DOCK2: variants seen among roughly 807,000 people sequenced by gnomAD.
The protein encoded by DOCK2 is dedicator of cytokinesis protein 2.
In DOCK2, 87 loss-of-function variants were observed where a neutral mutation model predicts 248.9. The ratio of observed to expected loss-of-function variants is 0.35; its 90% CI spans 0.29 to 0.42. The LOEUF (loss-of-function observed/expected upper bound fraction) is 0.42. Among genes scored for constraint, DOCK2 ranks in the 10% least tolerant of loss-of-function variants. DOCK2 has a pLI of 1.00. For missense variants in DOCK2, 1,747 were observed against 2,300.2 expected, an observed-to-expected ratio of 0.76 and a Z score of 4.92; for synonymous variants, 805 against 821.6, an observed-to-expected ratio of 0.98 and a Z score of 0.35.
chr5:169,969,290 C>CA (rs1777412483), intron 27 of DOCK2, among the ~76,000 whole-genome samples: 1 of 151,784 alleles, frequency 6.6e-6, no homozygotes, highest in African/African-American at 2.4e-5. Flanking sequence ...ACTAAAAATA[C>CA]AAAAATTAGC....
At chr5:169,993,123 G>A (rs1778252481) in intron 29 of DOCK2, among the ~76,000 whole-genome samples, 2 of 152,220 alleles carry the variant, frequency 1.3e-5, no homozygotes, top group Non-Finnish European at 2.9e-5. Context: ...AATGTGACAG[G>A]CACTCAATGC....
chr5:170,006,318 T>C (rs2113807604), intron 30 of DOCK2, among the ~76,000 whole-genome samples: 1 of 152,292 alleles, frequency 6.6e-6, no homozygotes, highest in African/African-American at 2.4e-5. Context: ...TGATGTGTTT[T>C]TGTTTTTGTT....
chr5:169,960,929 A>G (rs1210450382), intron 27 of DOCK2, among the ~76,000 whole-genome samples: 1 of 152,246 alleles, frequency 6.6e-6, no homozygotes, highest in Non-Finnish European at 1.5e-5. Context: ...TATAGGGTTC[A>G]GTATAGGCTA....
chr5:169,671,163 C>T lies in DOCK2; in HGVS notation c.310C>T (p.Gln104Ter). 1 of 1,614,036 alleles carries T rather than the reference C, an allele frequency of 6.2e-7. No homozygotes were observed. The highest frequency in any genetic ancestry group is 8.5e-7 in the Non-Finnish European group (1 of 1,179,922). ...TTGGGAATGGGGAAGCATCTGGAAA[C>T]AACTCTATGTGGTGAGACTCAGAAC... is the stretch of plus-strand genomic sequence containing the variant. ...TLWEWGSIWK[Q>*]LYVASKKERF... The change falls in exon 5 of 52, where the codon CAA becomes TAA. Residue 104 changes from glutamine (Q) to a stop codon, truncating the protein, a stop_gained. Transcript: ENST00000520908. LOFTEE classifies it high-confidence loss of function.
At chr5:169,819,977 C>T (rs962745305) in intron 26 of DOCK2, among the ~76,000 whole-genome samples, 13 of 152,220 alleles carry the variant, frequency 8.5e-5, no homozygotes, top group East Asian at 1.9e-4. Context: ...GACTATATCC[C>T]GTGCCTGGCT....
At chr5:169,708,657 C>T (rs548679491) in intron 15 of DOCK2, among the ~76,000 whole-genome samples, 6 of 152,162 alleles carry the variant, frequency 3.9e-5, no homozygotes, top group African/African-American at 7.2e-5. Flanking sequence ...CACTGTCTCC[C>T]AGGTTCTAGT....
intron 32 of DOCK2, among the ~76,000 whole-genome samples, chr5:170,012,340 A>G (rs879492239): frequency 2.0e-5 from 3 of 152,234 alleles, no homozygotes; most frequent in Non-Finnish European, 2.9e-5. Context: ...CCAACGACCT[A>G]CGTTTTTTCA....
chr5:170,057,516 T>A, intron 43 of DOCK2, 64 bp from the exon 44 acceptor site: 1 of 1,469,050 alleles, frequency 6.8e-7, no homozygotes, highest in Non-Finnish European at 9.5e-7. Context: ...GCTTCTCCGA[T>A]ACCCAGGTTT....
chr5:169,929,204 A>G (rs1775624069), intron 27 of DOCK2, among the ~76,000 whole-genome samples: 1 of 152,178 alleles, frequency 6.6e-6, no homozygotes, highest in South Asian at 2.1e-4. Context: ...GTCATGACAC[A>G]TTTATAAGCC....
At chr5:169,974,358 A>G (rs1202094734) in intron 27 of DOCK2, among the ~76,000 whole-genome samples, 2 of 152,238 alleles carry the variant, frequency 1.3e-5, no homozygotes, top group Non-Finnish European at 2.9e-5. Flanking sequence ...CATCTGACTA[A>G]TACTAACTTC....
At chr5:169,916,212 C>A (rs1193949411) in intron 27 of DOCK2, among the ~76,000 whole-genome samples, 2 of 152,178 alleles carry the variant, frequency 1.3e-5, no homozygotes, top group Non-Finnish European at 2.9e-5. Context: ...GGGATTCATA[C>A]GGAACCTCTT....
chr5:169,719,316 G>C (rs1233251811), intron 22 of DOCK2, among the ~76,000 whole-genome samples: 1 of 152,202 alleles, frequency 6.6e-6, no homozygotes, highest in Non-Finnish European at 1.5e-5. Context: ...CCTTTTTGAA[G>C]GGCTTTGGAG....
intron 41 of DOCK2, 101 bp downstream of exon 41, chr5:170,050,498 A>C (rs1756876459): frequency 7.1e-7 from 1 of 1,404,974 alleles, no homozygotes; most frequent in Non-Finnish European, 9.6e-7. Flanking sequence ...CTGCTGCCAG[A>C]ATCATTGCAG....
chr5:169,903,178 G>C (rs1216804002), intron 27 of DOCK2, among the ~76,000 whole-genome samples: 1 of 151,982 alleles, frequency 6.6e-6, no homozygotes, highest in Non-Finnish European at 1.5e-5. Flanking sequence ...TGGGGAAGCT[G>C]AGGTGGGAGG....
chr5:169,638,731 A>G (rs1406660967), intron 1 of DOCK2, among the ~76,000 whole-genome samples: 3 of 152,200 alleles, frequency 2.0e-5, no homozygotes, highest in Non-Finnish European at 4.4e-5. Context: ...GTAGTATTTC[A>G]TGGTTTGCAA....
intron 29 of DOCK2, among the ~76,000 whole-genome samples, chr5:169,986,615 A>G (rs1195389178): frequency 6.6e-6 from 1 of 152,182 alleles, no homozygotes; most frequent in Admixed American, 6.5e-5. Context: ...ACATTCATTA[A>G]TCTTTTCTAA....
chr5:169,988,079 G>C (rs1778115449), intron 29 of DOCK2, among the ~76,000 whole-genome samples: 2 of 152,158 alleles, frequency 1.3e-5, no homozygotes, highest in Non-Finnish European at 2.9e-5. Flanking sequence ...ATCACTAGGT[G>C]ATGACAACAA....
intron 1 of DOCK2, among the ~76,000 whole-genome samples, chr5:169,643,018 G>A (rs886527009): frequency 5.3e-5 from 8 of 152,260 alleles, no homozygotes; most frequent in African/African-American, 1.7e-4. Context: ...TGCAAATGGG[G>A]AATGACAGTG....
At position 169,699,434 on chromosome 5, in the gene DOCK2, T is replaced by G; in HGVS notation, c.1108T>G (p.Ser370Ala). 1 of 1,613,246 alleles carries G rather than the reference T, an allele frequency of 6.2e-7. No individual in the cohort carries two copies. Among genetic ancestry groups the G allele is most frequent in the Non-Finnish European group, 8.5e-7 (1 of 1,179,504 alleles). ...LHSLLGKVIA[S>A]KGDSGGQGLW... ...CAGCCTGCTGGGCAAAGTCATAGCCTCCAAGGGGGACAGTGGAGGGCAAGG... is the reference window on the plus strand; with the variant it reads ...CAGCCTGCTGGGCAAAGTCATAGCCGCCAAGGGGGACAGTGGAGGGCAAGG... Residue 370 changes from serine to alanine, a missense_variant, in exon 12 of 52, where the codon TCC becomes GCC. Physicochemically the swap from Ser to Ala is moderately conservative, Grantham distance 99 (BLOSUM62 1). Around this residue, in one of 4 missense-constraint regions of DOCK2, gnomAD observed 375 missense variants for 510.9 expected, o/e 0.73. Transcript: ENST00000520908.
Sources: gnomAD v4.1 joint callset for allele counts (sites outside exome capture counted in the v4.1 genomes callset) on GRCh38, gnomAD v4.1.1 for gene constraint, gnomAD v4.1.1 regional missense constraint, MANE v1.5 for transcripts, NCBI Gene and HGNC (gene_info 2026-07-23, HGNC 2026-07-21) for gene names.